The following ZFYVE9 variants were observed in gnomAD, a reference collection of about 807,000 sequenced individuals.
ZFYVE9 encodes zinc finger FYVE domain-containing protein 9.
Under a neutral mutation model 126.7 loss-of-function variants are expected in ZFYVE9, and 43 were observed. The observed-to-expected ratio is 0.34, with a 90% confidence interval of 0.27 to 0.44. The LOEUF (loss-of-function observed/expected upper bound fraction) is 0.44, where lower values mean the gene tolerates loss of function less well. ZFYVE9 is among the 20% of genes least tolerant of loss of function. The pLI is 1.00. For missense variants in ZFYVE9, 1,476 were observed against 1,697.0 expected (o/e 0.87, Z 2.29); for synonymous variants, 521 against 597.4 (o/e 0.87, Z 1.87).
chr1:52,185,307 CAGGT>C (rs994982143), intron 1 of ZFYVE9, among the ~76,000 whole-genome samples: 1 of 148,632 alleles, frequency 6.7e-6, no homozygotes, highest in South Asian at 2.1e-4. Flanking sequence ...GAGAAAAAAA[CAGGT>C]AGAAGCTAAG....
chr1:52,272,588 T>TTATGTTATGTTCTCCTGTTAGTGGCCA (rs2147807194), intron 7 of ZFYVE9, among the ~76,000 whole-genome samples: 1 of 152,324 alleles, frequency 6.6e-6, no homozygotes, highest in South Asian at 2.1e-4. Flanking sequence ...ATGCCATCAT[T>TTATGTTATGTTCTCCTGTTAGTGGCCA]TATGTTATGT....
At chr1:52,309,164 G>C (rs995575717) in intron 13 of ZFYVE9, among the ~76,000 whole-genome samples, 3 of 152,138 alleles carry the variant, frequency 2.0e-5, no homozygotes, top group Admixed American at 2.0e-4. Flanking sequence ...AATGGATAAT[G>C]AATGATAACT....
chr1:52,333,291 A>T (rs1424069768), intron 14 of ZFYVE9, among the ~76,000 whole-genome samples: 4 of 124,518 alleles, frequency 3.2e-5, no homozygotes, highest in Non-Finnish European at 6.3e-5. Flanking sequence ...ATAATAATTA[A>T]AAAAAAAAAA....
intron 10 of ZFYVE9, among the ~76,000 whole-genome samples, chr1:52,285,288 A>T (rs1447162122): frequency 6.6e-6 from 1 of 152,172 alleles, no homozygotes; most frequent in African/African-American, 2.4e-5. Context: ...ATATTTCACT[A>T]TAAATTTTTT....
chr1:52,196,240 A>G (rs1179274159), intron 1 of ZFYVE9, among the ~76,000 whole-genome samples: 1 of 152,258 alleles, frequency 6.6e-6, no homozygotes, highest in East Asian at 1.9e-4. Context: ...GCTCTGTCAC[A>G]TATTTAGAAT....
chr1:52,272,673 C>CTTTTTTTTTTTTTTTTTTTTTTTTTTT (rs58857376), intron 7 of ZFYVE9, among the ~76,000 whole-genome samples: 3 of 121,284 alleles, frequency 2.5e-5, no homozygotes, highest in African/African-American at 1.0e-4. Flanking sequence ...TAGAAATAAT[C>CTTTTTTTTTTTTTTTTTTTTTTTTTTT]TTTTTTTTTT....
At chr1:52,267,334 C>T (rs1356269852) in intron 6 of ZFYVE9, among the ~76,000 whole-genome samples, 1 of 152,138 alleles carries the variant, frequency 6.6e-6, no homozygotes, top group South Asian at 2.1e-4. Context: ...GACTTTAAAT[C>T]TAGAACTTTA....
chr1:52,218,171 T>C (rs1645089217), intron 2 of ZFYVE9, among the ~76,000 whole-genome samples: 1 of 152,140 alleles, frequency 6.6e-6, no homozygotes, highest in African/African-American at 2.4e-5. Context: ...GTTACCTGCT[T>C]CCTGATGAAA....
At chr1:52,218,489 G>T (rs999442397) in intron 2 of ZFYVE9, among the ~76,000 whole-genome samples, 1 of 152,194 alleles carries the variant, frequency 6.6e-6, no homozygotes, top group Non-Finnish European at 1.5e-5. Flanking sequence ...TAGTGAGTGA[G>T]TGGCACATGA....
At chr1:52,285,754 T>A (rs1340518609) in intron 10 of ZFYVE9, among the ~76,000 whole-genome samples, 4 of 152,164 alleles carry the variant, frequency 2.6e-5, no homozygotes, top group Admixed American at 1.3e-4. Context: ...ATAAATTTAA[T>A]GCGCTTGAAT....
Position 52,339,499 on chromosome 1 carries a change from G to T in ZFYVE9, c.3834-627G>T, listed in dbSNP as rs1035056476. Among the ~76,000 whole-genome samples the T allele has an allele frequency of 4.6e-5, 7 of 152,202 alleles. No individual in the cohort carries two copies. The East Asian group carries it at 1.4e-3, about 29-fold the overall frequency. On this transcript the variant is annotated intron_variant, in intron 16 of 18. Coordinates refer to ENST00000287727, the MANE Select transcript of ZFYVE9 (RefSeq NM_004799.4). Reference sequence around the variant, plus strand: ...AGAGGTAGGGTTTTGCTATGTTGCTGATGCTGGTCTCGAACTCCTGAGCTC... The same window carrying T: ...AGAGGTAGGGTTTTGCTATGTTGCTTATGCTGGTCTCGAACTCCTGAGCTC...
rs375407718 is a variant in ZFYVE9, at chr1:52,343,799, C to T, written c.3940-969C>T. Reference sequence around the variant, plus strand: ...TAAAGTAAGTCCTTTGGGCCAGGTGCGGTGGTTCATGCCTGTAATCCCAGC... The same window carrying T: ...TAAAGTAAGTCCTTTGGGCCAGGTGTGGTGGTTCATGCCTGTAATCCCAGC... On this transcript the variant is annotated intron_variant, in intron 17 of 18. Transcript: ENST00000287727. Among the ~76,000 whole-genome samples the T allele has an allele frequency of 5.3e-5, 8 of 151,660 alleles. No homozygotes were observed. In the South Asian group the frequency reaches 1.3e-3, roughly 24 times the overall value.
At chr1:52,250,158 A>G (rs1052970133) in intron 4 of ZFYVE9, among the ~76,000 whole-genome samples, 6 of 152,182 alleles carry the variant, frequency 3.9e-5, no homozygotes, top group African/African-American at 1.4e-4. Flanking sequence ...AAACATGGTT[A>G]GGGTTTTGAT....
intron 13 of ZFYVE9, among the ~76,000 whole-genome samples, chr1:52,304,789 C>T (rs953437345): frequency 4.0e-5 from 6 of 151,546 alleles, no homozygotes; most frequent in Admixed American, 3.3e-4. Flanking sequence ...TGACTTTCCA[C>T]GTGATTTTTT....
chr1:52,340,954 C>T (rs1646431865), intron 17 of ZFYVE9, among the ~76,000 whole-genome samples: 1 of 150,020 alleles, frequency 6.7e-6, no homozygotes, highest in Admixed American at 6.6e-5. Flanking sequence ...TGTGGTGGCT[C>T]ACGCCTGTAA....
chr1:52,256,901 T>C (rs1467069565), intron 4 of ZFYVE9, among the ~76,000 whole-genome samples: 1 of 152,200 alleles, frequency 6.6e-6, no homozygotes, highest in Non-Finnish European at 1.5e-5. Context: ...TTCTATGCAC[T>C]CTCCTCTCCT....
intron 1 of ZFYVE9, among the ~76,000 whole-genome samples, chr1:52,194,498 T>C (rs1167885814): frequency 6.6e-6 from 1 of 152,166 alleles, no homozygotes; most frequent in Admixed American, 6.5e-5. Flanking sequence ...TAAATAGATG[T>C]TTAGCTTTTA....
intron 1 of ZFYVE9, among the ~76,000 whole-genome samples, chr1:52,154,151 A>G (rs1360538961): frequency 6.6e-6 from 1 of 152,202 alleles, no homozygotes; most frequent in Non-Finnish European, 1.5e-5. Context: ...AGTGCTGTAT[A>G]AGTCTATATT....
rs746381192 is a variant in ZFYVE9 at position 52,293,539 on chromosome 1, T to C, written c.3112T>C (p.Ser1038Pro). 5.6e-6 allele frequency: 9 copies of C among 1,614,052 alleles called. No individual in the cohort carries two copies. The African/African-American group carries it at 1.2e-4, about 22-fold the overall frequency. ...KEHGGFLYVT[S>P]TYQSLQDLVL... ...ACATGGTGGATTCTTATATGTGACATCTACCTACCAGTCACTGCAAGACCT... is the reference window on the plus strand; with the variant it reads ...ACATGGTGGATTCTTATATGTGACACCTACCTACCAGTCACTGCAAGACCT... Residue 1038 changes from serine to proline, a missense_variant, in exon 11 of 19, where the codon TCT becomes CCT. By Grantham distance (74) the Ser-to-Pro change is moderately conservative. Coordinates refer to ENST00000287727, the MANE Select transcript of ZFYVE9 (RefSeq NM_004799.4).
Sources: gnomAD v4.1 joint callset for allele counts (sites outside exome capture counted in the v4.1 genomes callset) on GRCh38, gnomAD v4.1.1 for gene constraint, MANE v1.5 for transcripts, NCBI Gene and HGNC (gene_info 2026-07-23, HGNC 2026-07-21) for gene names.